TASP1: variants seen among roughly 807,000 people sequenced by gnomAD.
TASP1 encodes the protein threonine aspartase 1.
A neutral mutation model predicts 56.6 loss-of-function variants in TASP1; 16 were observed. That is an observed-to-expected ratio of 0.28 (90% CI 0.19 to 0.43). The LOEUF is 0.43. Ranked by LOEUF, TASP1 falls within the 20% of genes least tolerant of loss-of-function variation. TASP1 has a pLI of 1.00. For synonymous variants in TASP1, 179 were observed against 184.2 expected, an observed-to-expected ratio of 0.97 and a Z score of 0.23; for missense variants, 393 against 511.6, an observed-to-expected ratio of 0.77 and a Z score of 2.24.
the TASP1 span, among the ~76,000 whole-genome samples, chr20:13,262,704 G>C: frequency 6.6e-6 from 1 of 152,248 alleles, no homozygotes; most frequent in East Asian, 1.9e-4. Context: ...GTTTACAGAA[G>C]TATTCAAGAC....
chr20:13,439,073 T>C (rs2043122787), intron 11 of TASP1, among the ~76,000 whole-genome samples: 1 of 152,170 alleles, frequency 6.6e-6, no homozygotes, highest in Non-Finnish European at 1.5e-5. Flanking sequence ...GTAAACTAGT[T>C]CAACCATTGT....
At chr20:13,314,992 T>C in the TASP1 span, among the ~76,000 whole-genome samples, 1 of 152,056 alleles carries the variant, frequency 6.6e-6, no homozygotes, top group African/African-American at 2.4e-5. Context: ...TAAATGTACA[T>C]TGCAAAATCT....
chr20:13,512,676 C>CATGCCT (rs1414090496), intron 10 of TASP1, among the ~76,000 whole-genome samples: 4 of 152,140 alleles, frequency 2.6e-5, no homozygotes, highest in African/African-American at 9.7e-5. Flanking sequence ...AGTCTTTGCC[C>CATGCCT]ATGCCTATGT....
intron 10 of TASP1, among the ~76,000 whole-genome samples, chr20:13,526,699 GGCT>G (rs1216772194): frequency 1.3e-5 from 2 of 152,232 alleles, no homozygotes; most frequent in African/African-American, 2.4e-5. Context: ...TAGGTCAGGA[GGCT>G]GCTAAGATAG....
At chr20:13,626,820 G>C (rs2048909249) in intron 2 of TASP1, among the ~76,000 whole-genome samples, 2 of 152,064 alleles carry the variant, frequency 1.3e-5, no homozygotes, top group Non-Finnish European at 2.9e-5. Flanking sequence ...ATTCCAAAAA[G>C]ATGACTTCAG....
intron 11 of TASP1, among the ~76,000 whole-genome samples, chr20:13,459,465 A>G (rs1040429224): frequency 3.3e-5 from 5 of 152,276 alleles, no homozygotes; most frequent in Admixed American, 6.5e-5. Context: ...CTCACCTGAC[A>G]AAATTCCAAC....
At chr20:13,632,585 T>C (rs1042802258) in intron 1 of TASP1, among the ~76,000 whole-genome samples, 1 of 152,164 alleles carries the variant, frequency 6.6e-6, no homozygotes, top group Non-Finnish European at 1.5e-5. Flanking sequence ...CTGAAATATA[T>C]TTATTTAGCA....
chr20:13,549,509 T>C (rs78634826), intron 8 of TASP1, among the ~76,000 whole-genome samples: 2,633 of 152,208 alleles, frequency 0.017, 83 homozygotes, highest in African/African-American at 0.058. Context: ...TTATTAGCTA[T>C]ACATGTGTCA....
intron 12 of TASP1, among the ~76,000 whole-genome samples, chr20:13,424,619 G>A (rs2042559074): frequency 6.6e-6 from 1 of 152,034 alleles, no homozygotes; most frequent in Non-Finnish European, 1.5e-5. Context: ...CAGTCTCGGT[G>A]TGGTCAAGCT....
At chr20:13,296,813 T>A in the TASP1 span, among the ~76,000 whole-genome samples, 2 of 151,808 alleles carry the variant, frequency 1.3e-5, no homozygotes, top group African/African-American at 4.8e-5. Context: ...AAGTCAGGAG[T>A]TCAAGACCAA....
At chr20:13,115,967 C>T in the TASP1 span, among the ~76,000 whole-genome samples, 2 of 152,132 alleles carry the variant, frequency 1.3e-5, no homozygotes, top group East Asian at 3.9e-4. Context: ...TCAATGGAAA[C>T]AATTTTAACA....
At chr20:13,434,980 A>C in intron 12 of TASP1, 64 bp downstream of exon 12, 1 of 1,221,342 alleles carries the variant, frequency 8.2e-7, no homozygotes, top group Non-Finnish European at 1.2e-6. Flanking sequence ...AAGGGTATAA[A>C]TATTTTCATT....
chr20:13,201,580 C>CAA, the TASP1 span, among the ~76,000 whole-genome samples: 1 of 137,732 alleles, frequency 7.3e-6, no homozygotes, highest in African/African-American at 2.6e-5. Context: ...TATTAATGTG[C>CAA]AAAAAAAAAA....
At chr20:13,150,862 G>T in the TASP1 span, among the ~76,000 whole-genome samples, 2 of 152,068 alleles carry the variant, frequency 1.3e-5, no homozygotes, top group Non-Finnish European at 2.9e-5. Flanking sequence ...TTTTTGTGTG[G>T]TTAGTACTTG....
intron 8 of TASP1, among the ~76,000 whole-genome samples, chr20:13,541,653 GCAT>G (rs2045626562): frequency 6.6e-6 from 1 of 151,998 alleles, no homozygotes; most frequent in South Asian, 2.1e-4. Flanking sequence ...AGGAACCTTT[GCAT>G]GTTTTATACA....
chr20:13,167,637 T>G, the TASP1 span: 1 of 152,328 alleles, frequency 6.6e-6, no homozygotes, highest in Non-Finnish European at 1.5e-5. Context: ...TGGCATAGAC[T>G]TATTCCTAAT....
intron 4 of TASP1, among the ~76,000 whole-genome samples, chr20:13,620,265 T>TAC (rs757563847): frequency 0.11 from 16,675 of 145,704 alleles, 894 homozygotes; most frequent in South Asian, 0.16. Flanking sequence ...CTGTGGTATT[T>TAC]ACACACACAC....
At chr20:13,105,656 G>T in the TASP1 span, among the ~76,000 whole-genome samples, 1 of 152,068 alleles carries the variant, frequency 6.6e-6, no homozygotes, top group Admixed American at 6.6e-5. Flanking sequence ...ATTTTAAAAT[G>T]ACTACTAATT....
the TASP1 span, among the ~76,000 whole-genome samples, chr20:13,274,075 GTGTA>G: frequency 6.6e-6 from 1 of 151,662 alleles, no homozygotes; most frequent in East Asian, 2.0e-4. Flanking sequence ...GTGTGTGTGT[GTGTA>G]TGTGTGCATG....
Sources: gnomAD v4.1 joint callset for allele counts (sites outside exome capture counted in the v4.1 genomes callset) on GRCh38, gnomAD v4.1.1 for gene constraint, MANE v1.5 for transcripts, NCBI Gene and HGNC (gene_info 2026-07-23, HGNC 2026-07-21) for gene names.